Variants in SPTA1 observed in about 807,000 individuals in gnomAD.
The protein encoded by SPTA1 is spectrin alpha chain, erythrocytic 1.
SPTA1 carries 177 observed loss-of-function variants against 324.7 expected under a neutral mutation model. The observed-to-expected ratio is 0.55, with a 90% CI of 0.48 to 0.62. SPTA1 has a LOEUF of 0.62. SPTA1 is among the 20% of genes least tolerant of loss of function. The probability of loss-of-function intolerance (pLI) is 0.00; values close to 1 mark genes in which losing one functional copy is unlikely to be tolerated. For missense variants in SPTA1, 3,162 were observed against 2,883.6 expected, an observed-to-expected ratio of 1.10 and a Z score of -2.21; for synonymous variants, 1,195 against 1,041.3, an observed-to-expected ratio of 1.15 and a Z score of -2.84.
Position 158,626,313 on chromosome 1 carries a change from G to A in SPTA1, c.5834-91C>T, listed in dbSNP as rs1051018478. 4 of 1,207,188 alleles carry A rather than the reference G, an allele frequency of 3.3e-6. No individual in the cohort carries two copies. The African/African-American group carries it at 4.5e-5, about 14-fold the overall frequency. The allele number at this position is 1,207,188 out of a possible 1,614,324, so 74.8% of individuals were successfully genotyped here. On this transcript the variant is annotated intron_variant, in intron 41 of 51. Transcript: ENST00000643759. ...AAGGAATATTTACAACACACAACAA[G>A]AAAGCTTCTTGACTCTCAAAGTTGA...
In SPTA1 at chr1:158,674,524, A is replaced by C. The variant is rs201978892; in HGVS notation, c.1248+16T>G. On this transcript the variant is annotated intron_variant, in intron 9 of 51. Transcript: ENST00000643759. The stretch of plus-strand genomic sequence containing the variant: ...AACCTGCCCCCTCCTCCTACTGGGC[A>C]GCCTTTCTTCTCTACCTTATGCTGC... The C allele has an allele frequency of 9.9e-6, 16 of 1,614,008 alleles. No homozygotes were observed. Among genetic ancestry groups the C allele is most frequent in the African/African-American group, 1.3e-5 (1 of 74,944 alleles).
rs1013818681 is a variant in SPTA1, at chr1:158,617,737, C to T, written c.6549-149G>A. On this transcript the variant is annotated intron_variant, in intron 46 of 51. Transcript: ENST00000643759. ...ATTTCACAGAGCCAAATTTTCACAA[C>T]CTTGCCAGACTGATGAGAAGGGAAG... 5.5e-5 allele frequency: 44 copies of T among 800,188 alleles called. No homozygotes were observed. The African/African-American group carries it at 6.4e-4, about 12-fold the overall frequency. The allele number at this position is 800,188 out of a possible 1,614,324, so 49.6% of individuals were successfully genotyped here.
chr1:158,642,166 G>T (rs111812944), intron 33 of SPTA1, among the ~76,000 whole-genome samples: 1 of 152,026 alleles, frequency 6.6e-6, no homozygotes, highest in African/African-American at 2.4e-5. Flanking sequence ...TTGTGGGGTG[G>T]GGGGAGGAGG....
At chr1:158,661,233 C>G in intron 18 of SPTA1, 54 bp downstream of exon 18, 1 of 1,613,234 alleles carries the variant, frequency 6.2e-7, no homozygotes, top group Admixed American at 1.7e-5. Context: ...CAAACTTCTT[C>G]CCAGAGGTCT....
Position 158,615,253 on chromosome 1 carries a change from G to A in SPTA1, c.6751C>T (p.Arg2251Trp), listed in dbSNP as rs375813087. The A allele has an allele frequency of 1.9e-5, 31 of 1,613,544 alleles. No individual in the cohort carries two copies. The highest frequency in any genetic ancestry group is 5.3e-5 in the African/African-American group (4 of 74,884). Residue 2251 changes from arginine to tryptophan, a missense_variant, in exon 48 of 52, where the codon CGG (arginine) becomes TGG (tryptophan). Transcript: ENST00000643759. Reference protein sequence around the residue: ...QWDQLYQLGLRMQHNLEQQIQ... With the variant: ...QWDQLYQLGLWMQHNLEQQIQ... ...TGTTGCTCCAGGTTGTGTTGCATCCGCAACCCAAGCTGGTAGAGCTGGTCC... is the reference window on the plus strand; with the variant it reads ...TGTTGCTCCAGGTTGTGTTGCATCCACAACCCAAGCTGGTAGAGCTGGTCC...
Position 158,661,378 on chromosome 1 carries a change from C to T in SPTA1, c.2496G>A (p.Leu832=). 6.2e-7 allele frequency: 1 copy of T among 1,613,912 alleles called. No individual in the cohort carries two copies. The highest frequency in any genetic ancestry group is 8.5e-7 in the Non-Finnish European group (1 of 1,179,894). Residue 832 remains leucine (L), a synonymous_variant, in exon 18 of 52, where the codon CTG becomes CTA. Coordinates refer to ENST00000643759, the MANE Select transcript of SPTA1 (RefSeq NM_003126.4). ...GKDLIASKKL[L]NRHRVILENI... ...TCTCCAGGATGACTCTATGCCTATTCAGAAGCTTTTTGGAAGCAATCAGGT... is the reference window on the plus strand; with the variant it reads ...TCTCCAGGATGACTCTATGCCTATTTAGAAGCTTTTTGGAAGCAATCAGGT...
Position 158,668,039 on chromosome 1 carries a change from C to A in SPTA1, c.1857G>T (p.Arg619Ser). 6.2e-7 allele frequency: 1 copy of A among 1,611,774 alleles called. No individual in the cohort carries two copies. Among genetic ancestry groups the A allele is most frequent in the African/African-American group, 1.3e-5 (1 of 74,138 alleles). The change falls in exon 15 of 52, where the codon AGG (arginine) becomes AGT (serine). Residue 619 changes from arginine (R) to serine (S), a missense_variant. Coordinates refer to ENST00000643759, the MANE Select transcript of SPTA1 (RefSeq NM_003126.4). Reference sequence around the variant, plus strand: ...TTTCAAAGACTTGCTGCTTTTGAACCCTGCTCTTCAAGTTCTGTATGTCCT... The same window carrying A: ...TTTCAAAGACTTGCTGCTTTTGAACACTGCTCTTCAAGTTCTGTATGTCCT... Reference protein sequence around the residue: ...DYKDIQNLKSRVQKQQVFEKE... With the variant: ...DYKDIQNLKSSVQKQQVFEKE...
intron 24 of SPTA1, among the ~76,000 whole-genome samples, chr1:158,650,915 T>C (rs1018618257): frequency 1.3e-5 from 2 of 152,190 alleles, no homozygotes; most frequent in South Asian, 4.1e-4. Context: ...CTTTCAGATA[T>C]AGAAACTGAG....
At position 158,623,011 on chromosome 1, in the gene SPTA1, A is replaced by G. The variant is rs749069366; in HGVS notation, c.6092T>C (p.Leu2031Ser). The part of the protein sequence containing the change: ...LEASAVHRQK[L>S]LEKQLPLQKA... ...CTGTAGAGGCAGCTGTTTCTCCAGC[A>G]ATTTCTGTCTGTGGACTGCCGAGGC... Residue 2031 changes from leucine (L) to serine (S), a missense_variant, in exon 43 of 52, where the codon TTG becomes TCG. Leu to Ser is a moderately radical substitution (Grantham distance 145). Coordinates refer to ENST00000643759, the MANE Select transcript of SPTA1 (RefSeq NM_003126.4). 1 of 1,614,200 alleles carries G rather than the reference A, an allele frequency of 6.2e-7. No individual in the cohort carries two copies. Among genetic ancestry groups the G allele is most frequent in the Non-Finnish European group, 8.5e-7 (1 of 1,180,024 alleles).
In SPTA1 at chr1:158,653,310, C is replaced by T; in HGVS notation, c.3152G>A (p.Gly1051Glu). 6.2e-7 allele frequency: 1 copy of T among 1,614,108 alleles called. No individual in the cohort carries two copies. The highest frequency in any genetic ancestry group is 1.1e-5 in the South Asian group (1 of 91,072). ...CTGCTCCTGGCGCTGGGTGATGTTT[C>T]CTGGCTCTTCTCGTCGCCGCTGTGG... is the stretch of plus-strand genomic sequence containing the variant. ...MLPQRRREEPGNITQRQEQIE... is the reference protein window; with the variant it reads ...MLPQRRREEPENITQRQEQIE... The change falls in exon 22 of 52, where the codon GGA becomes GAA. Residue 1051 changes from glycine (G) to glutamate (E), a missense_variant. Gly to Glu is a moderately conservative substitution (Grantham distance 98). Coordinates refer to ENST00000643759, the MANE Select transcript of SPTA1 (RefSeq NM_003126.4).
At position 158,627,662 on chromosome 1, in the gene SPTA1, T is replaced by C. The variant is rs1057323550; in HGVS notation, c.5627A>G (p.Gln1876Arg). ...NDFAVHETRV[Q>R]NVCAQGEDIL... Reference sequence around the variant, plus strand: ...GTCTTCTCCTTGTGCACACACATTTTGTACTCGGGTCTCATGGACAGCAAA... The same window carrying C: ...GTCTTCTCCTTGTGCACACACATTTCGTACTCGGGTCTCATGGACAGCAAA... Residue 1876 changes from glutamine (Q) to arginine (R), a missense_variant, in exon 40 of 52, where the codon CAA becomes CGA. Physicochemically the swap from Gln to Arg is conservative, Grantham distance 43. Transcript: ENST00000643759. The C allele has an allele frequency of 1.9e-6, 3 of 1,613,574 alleles. No individual in the cohort carries two copies. Among genetic ancestry groups the C allele is most frequent in the Non-Finnish European group, 2.5e-6 (3 of 1,179,778 alleles).
chr1:158,613,953 A>C, intron 49 of SPTA1, 86 bp from the exon 50 acceptor site: 1 of 1,448,278 alleles, frequency 6.9e-7, no homozygotes, highest in Non-Finnish European at 9.5e-7. Flanking sequence ...TTATTGCGTC[A>C]GCTGAAGCTT....
At chr1:158,627,461 T>A (rs1300414721) in intron 40 of SPTA1, among the ~76,000 whole-genome samples, 164 bp downstream of exon 40, 2 of 152,198 alleles carry the variant, frequency 1.3e-5, no homozygotes, top group Non-Finnish European at 2.9e-5. Flanking sequence ...AGTAGATAAT[T>A]ATTTGCTAAC....
intron 29 of SPTA1, among the ~76,000 whole-genome samples, chr1:158,644,754 C>T (rs532254030): frequency 2.6e-5 from 4 of 152,146 alleles, no homozygotes; most frequent in Non-Finnish European, 4.4e-5. Context: ...GTTTTTTAGC[C>T]TCAAAGCACT....
chr1:158,657,480 AG>A lies in SPTA1; in HGVS notation c.2801del (p.Ala934ValfsTer5). The A allele has an allele frequency of 6.9e-7, 1 of 1,443,536 alleles. No homozygotes were observed. Among genetic ancestry groups the A allele is most frequent in the Non-Finnish European group, 9.7e-7 (1 of 1,028,920 alleles). The allele number at this position is 1,443,536 out of a possible 1,614,324, so 89.4% of individuals were successfully genotyped here. A position where few individuals can be genotyped will look rare whatever the true frequency, so the allele number is the denominator to read the frequency against. Reference protein sequence around the residue: ...NTNYGADEEAAGALLKKHEAF... With the variant: ...NTNYGADEEAXGALLKKHEAF... Reference sequence around the variant, plus strand: ...GTTAAACCCACCCCCACCTTACCCCAGCTGCTTCTTCATCAGCACCATAGTT... The same window carrying A: ...GTTAAACCCACCCCCACCTTACCCCACTGCTTCTTCATCAGCACCATAGTT... On this transcript the variant is annotated frameshift_variant, in exon 19 of 52. Transcript: ENST00000643759. LOFTEE classifies it high-confidence loss of function.
intron 7 of SPTA1, 23 bp downstream of exon 7, chr1:158,677,667 C>T (rs1654480669): frequency 6.2e-7 from 1 of 1,612,350 alleles, no homozygotes; most frequent in Admixed American, 1.7e-5. Context: ...AACGGGTTAG[C>T]CATTTCTCTA....
chr1:158,643,461 G>C (rs1651765847), intron 30 of SPTA1, 36 bp from the exon 31 acceptor site: 2 of 1,596,732 alleles, frequency 1.3e-6, no homozygotes, highest in African/African-American at 2.7e-5. Flanking sequence ...CAGATGCTTG[G>C]AGATTAGGCT....
chr1:158,624,731 CT>C (rs1304937399), intron 42 of SPTA1, among the ~76,000 whole-genome samples: 10 of 152,140 alleles, frequency 6.6e-5, no homozygotes, highest in African/African-American at 2.4e-4. Context: ...GTATTTTCCC[CT>C]CAAAGCATTT....
chr1:158,649,040 TGA>T (rs1196584344), intron 25 of SPTA1, among the ~76,000 whole-genome samples: 2 of 152,206 alleles, frequency 1.3e-5, no homozygotes, highest in African/African-American at 4.8e-5. Context: ...CAGACCTGTC[TGA>T]GTCTGTTTTT....
Sources: gnomAD v4.1 joint callset for allele counts (sites outside exome capture counted in the v4.1 genomes callset) on GRCh38, gnomAD v4.1.1 for gene constraint, MANE v1.5 for transcripts, NCBI Gene and HGNC (gene_info 2026-07-23, HGNC 2026-07-21) for gene names.